Variants in CNTN4 observed in about 807,000 individuals in gnomAD.
CNTN4 encodes contactin 4, also known as contactin-4.
CNTN4 carries 77 observed loss-of-function variants against 122.5 expected under a neutral mutation model. That is an observed-to-expected ratio of 0.63 (90% CI 0.52 to 0.76). CNTN4 has a LOEUF of 0.76. Among genes scored for constraint, CNTN4 ranks in the 30% least tolerant of loss-of-function variants. CNTN4 has a pLI of 0.00. For missense variants in CNTN4, 1,256 were observed against 1,259.1 expected, an observed-to-expected ratio of 1.00 and a Z score of 0.04; for synonymous variants, 512 against 447.0, an observed-to-expected ratio of 1.15 and a Z score of -1.83.
At chr3:2,216,086 G>A (rs1336205794) in intron 2 of CNTN4, among the ~76,000 whole-genome samples, 4 of 151,872 alleles carry the variant, frequency 2.6e-5, no homozygotes, top group African/African-American at 7.3e-5. Flanking sequence ...ACATGCACAC[G>A]AATGTTCACT....
At chr3:2,331,049 G>A (rs964845653) in intron 2 of CNTN4, among the ~76,000 whole-genome samples, 2 of 151,946 alleles carry the variant, frequency 1.3e-5, no homozygotes, top group South Asian at 2.1e-4. Flanking sequence ...GCCTTTTTTT[G>A]TGATAATGGT....
chr3:2,179,747 C>A (rs577660558), intron 2 of CNTN4, among the ~76,000 whole-genome samples: 2 of 151,948 alleles, frequency 1.3e-5, no homozygotes, highest in Non-Finnish European at 2.9e-5. Context: ...TTTATTCAGA[C>A]ATTCATTAAA....
intron 2 of CNTN4, among the ~76,000 whole-genome samples, chr3:2,249,221 A>G (rs1436293170): frequency 6.6e-6 from 1 of 151,956 alleles, no homozygotes; most frequent in Non-Finnish European, 1.5e-5. Context: ...CACTATTTAG[A>G]GGGATTGATG....
At chr3:2,518,235 G>GTGTGCA (rs2077095407) in intron 3 of CNTN4, among the ~76,000 whole-genome samples, 1 of 151,970 alleles carries the variant, frequency 6.6e-6, no homozygotes, top group Non-Finnish European at 1.5e-5. Flanking sequence ...GTGTGTGTGT[G>GTGTGCA]CACACACGCA....
rs1382211907 is a variant in CNTN4, at chr3:2,100,651, C to T, written c.-145+12C>T. The stretch of plus-strand genomic sequence containing the variant: ...AATTCACGTTACCCGTAAGTTTATT[C>T]TTGCTATTTTTATCTTGATTTCTTT... On this transcript the variant is annotated intron_variant, in intron 2 of 24. Coordinates refer to ENST00000418658, the MANE Select transcript of CNTN4 (RefSeq NM_175607.3). 1.3e-5 allele frequency: 2 copies of T among 152,170 alleles called. No individual in the cohort carries two copies. Among genetic ancestry groups the T allele is most frequent in the African/African-American group, 2.4e-5 (1 of 41,442 alleles). The allele number at this position is 152,170 out of a possible 1,614,324, so 9.4% of individuals were successfully genotyped here.
intron 3 of CNTN4, among the ~76,000 whole-genome samples, chr3:2,566,295 G>C (rs755928846): frequency 3.3e-5 from 5 of 152,124 alleles, no homozygotes; most frequent in Non-Finnish European, 5.9e-5. Context: ...TTAAATACTG[G>C]CTCTATTGAT....
At chr3:2,141,345 T>G (rs1246501828) in intron 2 of CNTN4, among the ~76,000 whole-genome samples, 1 of 151,714 alleles carries the variant, frequency 6.6e-6, no homozygotes, top group African/African-American at 2.4e-5. Flanking sequence ...GGGGCAGGAG[T>G]TGTGATTATG....
rs149750737 is a variant in CNTN4, at chr3:2,773,444, G to A, written c.358+27747G>A. Among the ~76,000 whole-genome samples the A allele has an allele frequency of 2.7e-3, 413 of 152,222 alleles. 1 individual carries two copies. The highest frequency in any genetic ancestry group is 9.6e-3 in the African/African-American group (397 of 41,540). On this transcript the variant is annotated intron_variant, in intron 6 of 24. Coordinates refer to ENST00000418658, the MANE Select transcript of CNTN4 (RefSeq NM_175607.3). ...TTTTGCTCTGATAAGTAGTGGGTAGGGAAGGGAATCCAACATTCTTACGGG... is the reference window on the plus strand; with the variant it reads ...TTTTGCTCTGATAAGTAGTGGGTAGAGAAGGGAATCCAACATTCTTACGGG...
chr3:2,948,113 G>A (rs1477821603), intron 13 of CNTN4, among the ~76,000 whole-genome samples: 2 of 152,162 alleles, frequency 1.3e-5, no homozygotes, highest in East Asian at 1.9e-4. Flanking sequence ...AGTAACATCT[G>A]TTACCTTAAT....
At chr3:2,731,662 C>T (rs2088695211) in intron 4 of CNTN4, among the ~76,000 whole-genome samples, 1 of 152,170 alleles carries the variant, frequency 6.6e-6, no homozygotes. Flanking sequence ...AATGTGAGCC[C>T]ATGCCCCTAA....
chr3:2,951,112 G>C (rs1055519903), intron 13 of CNTN4, among the ~76,000 whole-genome samples: 5 of 152,278 alleles, frequency 3.3e-5, no homozygotes, highest in South Asian at 2.1e-4. Context: ...GCTTAGAATT[G>C]TGTCTTTTGT....
intron 2 of CNTN4, among the ~76,000 whole-genome samples, chr3:2,189,110 T>G (rs113842282): frequency 0.01 from 1,594 of 152,302 alleles, 25 homozygotes; most frequent in African/African-American, 0.036. Flanking sequence ...TTTCCTTCTT[T>G]TTTTATTTTC....
intron 3 of CNTN4, among the ~76,000 whole-genome samples, chr3:2,569,311 G>A (rs550283878): frequency 3.9e-4 from 60 of 152,204 alleles, no homozygotes; most frequent in Admixed American, 1.4e-3. Context: ...GTAAATTAAC[G>A]CTAAGAGCCC....
At chr3:2,825,207 G>A (rs531333093) in intron 7 of CNTN4, among the ~76,000 whole-genome samples, 11 of 151,928 alleles carry the variant, frequency 7.2e-5, no homozygotes, top group Admixed American at 4.6e-4. Context: ...CAGTGAGGCC[G>A]TCTCTAAAAA....
chr3:2,442,219 T>G (rs2048465840), intron 3 of CNTN4, among the ~76,000 whole-genome samples: 1 of 152,182 alleles, frequency 6.6e-6, no homozygotes, highest in South Asian at 2.1e-4. Context: ...TTTTCTTTCC[T>G]TTCCCTCCTG....
intron 10 of CNTN4, among the ~76,000 whole-genome samples, chr3:2,888,470 C>T (rs1468333810): frequency 2.6e-5 from 4 of 152,056 alleles, no homozygotes; most frequent in African/African-American, 4.8e-5. Context: ...GGAGGATGTG[C>T]CGTGAGGGGT....
chr3:2,905,305 C>CA (rs1559645091), intron 12 of CNTN4, among the ~76,000 whole-genome samples: 1 of 152,200 alleles, frequency 6.6e-6, no homozygotes, highest in Non-Finnish European at 1.5e-5. Flanking sequence ...TTATAGACAA[C>CA]AAATGTTTAT....
At chr3:3,054,042 A>ATT (rs1198461666) in intron 24 of CNTN4, 67 bp downstream of exon 24, 8 of 1,509,004 alleles carry the variant, frequency 5.3e-6, no homozygotes, top group Non-Finnish European at 4.6e-6. Context: ...CAGATGAGTC[A>ATT]GGGCTTGAAA....
At chr3:2,748,253 T>C (rs2089902388) in intron 6 of CNTN4, among the ~76,000 whole-genome samples, 1 of 152,212 alleles carries the variant, frequency 6.6e-6, no homozygotes, top group Non-Finnish European at 1.5e-5. Context: ...AAACATATAA[T>C]CATGTAAAAT....
Sources: gnomAD v4.1 joint callset for allele counts (sites outside exome capture counted in the v4.1 genomes callset) on GRCh38, gnomAD v4.1.1 for gene constraint, MANE v1.5 for transcripts, NCBI Gene and HGNC (gene_info 2026-07-23, HGNC 2026-07-21) for gene names.